Variants in FTO observed in about 807,000 individuals in gnomAD.
FTO encodes alpha-ketoglutarate-dependent dioxygenase FTO.
A neutral mutation model predicts 63.9 loss-of-function variants in FTO; 47 were observed. The ratio of observed to expected loss-of-function variants is 0.74; its 90% CI spans 0.58 to 0.94. The LOEUF is 0.94. Ranked by LOEUF, FTO falls within the 40% of genes least tolerant of loss-of-function variation. The pLI is 0.00. For missense variants in FTO, 562 were observed against 618.1 expected, an observed-to-expected ratio of 0.91 and a Z score of 0.96; for synonymous variants, 207 against 224.4, an observed-to-expected ratio of 0.92 and a Z score of 0.69.
chr16:53,831,694 A>G (rs776475703), intron 3 of FTO, among the ~76,000 whole-genome samples: 2 of 152,202 alleles, frequency 1.3e-5, no homozygotes, highest in Non-Finnish European at 2.9e-5. Flanking sequence ...TTACAATTTT[A>G]GGTAGGAGAG....
chr16:53,728,234 G>T (rs554447725), intron 1 of FTO, among the ~76,000 whole-genome samples: 1 of 151,906 alleles, frequency 6.6e-6, no homozygotes, highest in South Asian at 2.1e-4. Context: ...GCTAGACCCT[G>T]TCTCTTAAAA....
At chr16:53,917,844 G>C (rs1053083827) in intron 7 of FTO, among the ~76,000 whole-genome samples, 1 of 151,938 alleles carries the variant, frequency 6.6e-6, no homozygotes, top group African/African-American at 2.4e-5. Context: ...TTTAGGCAGG[G>C]ACTGCATTTG....
chr16:53,819,524 G>GGT (rs771844559), intron 2 of FTO, among the ~76,000 whole-genome samples: 13 of 151,608 alleles, frequency 8.6e-5, no homozygotes, highest in South Asian at 2.1e-4. Context: ...CTTGTGAATG[G>GGT]GTGTGTGTGT....
At chr16:53,971,681 C>A (rs997507105) in intron 8 of FTO, among the ~76,000 whole-genome samples, 1 of 152,200 alleles carries the variant, frequency 6.6e-6, no homozygotes, top group Admixed American at 6.5e-5. Flanking sequence ...CTCTAGGGGA[C>A]CCCCTGTCTC....
chr16:53,924,460 C>T (rs966470816), intron 7 of FTO, among the ~76,000 whole-genome samples: 14 of 152,158 alleles, frequency 9.2e-5, no homozygotes, highest in African/African-American at 3.4e-4. Flanking sequence ...TAAAGTGGGT[C>T]TTTGAGATGA....
intron 1 of FTO, among the ~76,000 whole-genome samples, chr16:53,776,390 A>G (rs1276441920): frequency 6.6e-6 from 1 of 152,208 alleles, no homozygotes; most frequent in Admixed American, 6.5e-5. Context: ...AAGCCCAAAG[A>G]AATTCACTTT....
intron 7 of FTO, among the ~76,000 whole-genome samples, chr16:53,895,069 T>C (rs1249784878): frequency 6.6e-6 from 1 of 152,128 alleles, no homozygotes; most frequent in African/African-American, 2.4e-5. Flanking sequence ...GGAAGCTCGG[T>C]TCTTTCCATT....
chr16:53,724,501 T>C (rs1282251998), intron 1 of FTO, among the ~76,000 whole-genome samples: 1 of 152,230 alleles, frequency 6.6e-6, no homozygotes, highest in Non-Finnish European at 1.5e-5. Context: ...TAGGGCTCTA[T>C]TTGTGATTAG....
At chr16:54,001,351 C>G (rs2084062440) in intron 8 of FTO, among the ~76,000 whole-genome samples, 1 of 152,152 alleles carries the variant, frequency 6.6e-6, no homozygotes, top group Admixed American at 6.5e-5. Flanking sequence ...CTGTGCATGC[C>G]TCTCAGAGGG....
At chr16:54,007,726 A>G (rs1322282346) in intron 8 of FTO, among the ~76,000 whole-genome samples, 2 of 152,156 alleles carry the variant, frequency 1.3e-5, no homozygotes, top group Admixed American at 6.5e-5. Flanking sequence ...ATTGATTGTG[A>G]CCCTAAGGGA....
intron 8 of FTO, among the ~76,000 whole-genome samples, chr16:53,982,428 A>G: frequency 6.6e-6 from 1 of 152,226 alleles, no homozygotes; most frequent in East Asian, 1.9e-4. Context: ...TGAACTGATG[A>G]AAACCTTGAT....
intron 7 of FTO, among the ~76,000 whole-genome samples, chr16:53,920,853 C>G (rs998281392): frequency 6.6e-6 from 1 of 151,992 alleles, no homozygotes; most frequent in Non-Finnish European, 1.5e-5. Flanking sequence ...GACCAGTTCT[C>G]TAGGCCTGGG....
At chr16:53,944,273 T>C (rs943576604) in intron 8 of FTO, among the ~76,000 whole-genome samples, 1 of 152,190 alleles carries the variant, frequency 6.6e-6, no homozygotes, top group African/African-American at 2.4e-5. Context: ...CATGATTCCA[T>C]AGAAACCCAC....
At chr16:53,855,129 A>G (rs1253492342) in intron 4 of FTO, among the ~76,000 whole-genome samples, 2 of 151,912 alleles carry the variant, frequency 1.3e-5, no homozygotes, top group Non-Finnish European at 2.9e-5. Flanking sequence ...TGATTTGTGT[A>G]CATTGATTTT....
intron 2 of FTO, among the ~76,000 whole-genome samples, chr16:53,821,302 A>C (rs760370371): frequency 1.8e-4 from 27 of 152,204 alleles, no homozygotes; most frequent in Non-Finnish European, 2.8e-4. Context: ...GGAGGTGTTA[A>C]GACAGTGTGA....
intron 6 of FTO, among the ~76,000 whole-genome samples, chr16:53,885,653 A>T (rs927927885): frequency 1.3e-5 from 2 of 152,240 alleles, no homozygotes; most frequent in African/African-American, 4.8e-5. Context: ...ACATCTAGCA[A>T]GTGCCTAACA....
chr16:54,048,206 T>A (rs1410473077), intron 8 of FTO, among the ~76,000 whole-genome samples: 1 of 142,176 alleles, frequency 7.0e-6, no homozygotes, highest in Admixed American at 6.9e-5. Context: ...ACTTCTGCTG[T>A]TTAATGTAAA....
At chr16:54,081,707 T>G (rs773409320) in intron 8 of FTO, among the ~76,000 whole-genome samples, 7 of 152,186 alleles carry the variant, frequency 4.6e-5, no homozygotes, top group Non-Finnish European at 8.8e-5. Context: ...AAATTCAAAA[T>G]GAACAGCCTC....
At chr16:54,021,993 C>A (rs986646775) in intron 8 of FTO, among the ~76,000 whole-genome samples, 2 of 152,036 alleles carry the variant, frequency 1.3e-5, no homozygotes, top group Non-Finnish European at 1.5e-5. Flanking sequence ...CCCTTTTCCT[C>A]GGATATTTTT....
Sources: allele counts gnomAD v4.1 joint callset (sites outside exome capture counted in the v4.1 genomes callset), GRCh38; gene constraint gnomAD v4.1.1; transcripts MANE v1.5; gene names NCBI Gene and HGNC (gene_info 2026-07-23, HGNC 2026-07-21).